RGS7: variants seen among roughly 807,000 people sequenced by gnomAD.
RGS7 encodes the protein regulator of G protein signaling 7, also known as regulator of G-protein signaling 7.
Under a neutral mutation model 81.1 loss-of-function variants are expected in RGS7, and 27 were observed. That is an observed-to-expected ratio of 0.33 (90% CI 0.25 to 0.46). The LOEUF is 0.46. Among genes scored for constraint, RGS7 ranks in the 20% least tolerant of loss-of-function variants. The probability of loss-of-function intolerance (pLI) is 1.00; values close to 1 mark genes in which losing one functional copy is unlikely to be tolerated. For missense variants in RGS7, 396 were observed against 607.4 expected (o/e 0.65, Z 3.66); for synonymous variants, 208 against 207.7 (o/e 1.00, Z -0.01).
At chr1:241,122,385 G>A (rs2066345377) in intron 2 of RGS7, among the ~76,000 whole-genome samples, 1 of 152,104 alleles carries the variant, frequency 6.6e-6, no homozygotes, top group African/African-American at 2.4e-5. Flanking sequence ...CTAACTGTCT[G>A]GGCATGGTGT....
rs948241756 is a variant in RGS7, at chr1:240,802,153, G to A, written c.1360-645C>T. ...TAAAAATCTTATTAGCCTACATGAC[G>A]ATCATGAACTACACAAAATTATAAT... On this transcript the variant is annotated intron_variant, in intron 16 of 18. Coordinates refer to ENST00000440928, the MANE Select transcript of RGS7 (RefSeq NM_001364886.1). Among the ~76,000 whole-genome samples the A allele has an allele frequency of 4.6e-5, 7 of 152,166 alleles. No individual in the cohort carries two copies. The East Asian group carries it at 9.7e-4, about 21-fold the overall frequency.
chr1:240,808,986 T>C (rs1476381807), intron 14 of RGS7, among the ~76,000 whole-genome samples: 1 of 152,194 alleles, frequency 6.6e-6, no homozygotes, highest in East Asian at 1.9e-4. Context: ...TGATAACGCC[T>C]ATTTCACTGG....
chr1:241,314,064 A>G (rs2080717907), intron 2 of RGS7, among the ~76,000 whole-genome samples: 1 of 152,238 alleles, frequency 6.6e-6, no homozygotes, highest in African/African-American at 2.4e-5. Flanking sequence ...CTCCTAGTGA[A>G]GACGCTATGA....
At chr1:240,918,736 A>T (rs917159929) in intron 6 of RGS7, among the ~76,000 whole-genome samples, 2 of 152,072 alleles carry the variant, frequency 1.3e-5, no homozygotes, top group Non-Finnish European at 2.9e-5. Context: ...AATAATAAAA[A>T]TCAGAGCAGA....
intron 2 of RGS7, among the ~76,000 whole-genome samples, chr1:241,141,479 T>C (rs558675623): frequency 1.3e-5 from 2 of 152,336 alleles, no homozygotes; most frequent in South Asian, 2.1e-4. Flanking sequence ...AATTGATTCA[T>C]GGTTCTGCAT....
intron 2 of RGS7, among the ~76,000 whole-genome samples, chr1:241,117,437 T>C (rs149928786): frequency 4.0e-4 from 61 of 152,296 alleles, no homozygotes; most frequent in Admixed American, 1.2e-3. Context: ...AGCTAGTACT[T>C]ATTGTGAATC....
chr1:241,278,524 G>A (rs925871890), intron 2 of RGS7, among the ~76,000 whole-genome samples: 7 of 152,232 alleles, frequency 4.6e-5, no homozygotes, highest in Admixed American at 3.9e-4. Flanking sequence ...GGTTCTTTGC[G>A]GTGCAGAGTT....
intron 6 of RGS7, among the ~76,000 whole-genome samples, chr1:240,924,505 A>G (rs1348602660): frequency 6.6e-6 from 1 of 152,198 alleles, no homozygotes; most frequent in Non-Finnish European, 1.5e-5. Flanking sequence ...TATGTGGGGA[A>G]CAAATTTTTC....
chr1:240,980,855 G>C (rs570036611), intron 4 of RGS7, among the ~76,000 whole-genome samples: 12 of 152,244 alleles, frequency 7.9e-5, no homozygotes, highest in Middle Eastern at 6.8e-3. Flanking sequence ...TCATAAATAT[G>C]ACTACAGAAC....
chr1:241,320,033 G>A (rs1359734720), intron 2 of RGS7, among the ~76,000 whole-genome samples: 1 of 152,190 alleles, frequency 6.6e-6, no homozygotes, highest in African/African-American at 2.4e-5. Context: ...GGAGGTTGCA[G>A]TGAGCTGAGA....
At chr1:241,054,394 G>A (rs1417996544) in intron 3 of RGS7, among the ~76,000 whole-genome samples, 1 of 152,114 alleles carries the variant, frequency 6.6e-6, no homozygotes, top group African/African-American at 2.4e-5. Flanking sequence ...TTTAAAGGCT[G>A]GAGTTTCCCA....
At chr1:241,299,903 A>G (rs1192827577) in intron 2 of RGS7, among the ~76,000 whole-genome samples, 1 of 124,248 alleles carries the variant, frequency 8.0e-6, no homozygotes, top group East Asian at 2.7e-4. Flanking sequence ...TGAGTCCAGG[A>G]GCCTAGGTAA....
At chr1:241,350,436 C>A (rs975268323) in intron 2 of RGS7, among the ~76,000 whole-genome samples, 1 of 152,132 alleles carries the variant, frequency 6.6e-6, no homozygotes, top group African/African-American at 2.4e-5. Context: ...GCCTGCCTCC[C>A]ATCTGAGCCC....
chr1:240,888,429 G>A (rs146308407), intron 6 of RGS7, among the ~76,000 whole-genome samples: 1 of 152,286 alleles, frequency 6.6e-6, no homozygotes, highest in East Asian at 1.9e-4. Context: ...AAGTGAGACA[G>A]GTGTGTGTGG....
chr1:240,849,986 T>A (rs139053284), intron 9 of RGS7, among the ~76,000 whole-genome samples: 1 of 152,320 alleles, frequency 6.6e-6, no homozygotes, highest in East Asian at 1.9e-4. Flanking sequence ...AGGAAGGTGT[T>A]GTGATAAAGA....
chr1:241,079,577 T>C (rs923958945), intron 3 of RGS7, among the ~76,000 whole-genome samples: 3 of 152,138 alleles, frequency 2.0e-5, no homozygotes, highest in African/African-American at 7.2e-5. Context: ...TTCTCTCTCC[T>C]AGAATTATTA....
intron 2 of RGS7, among the ~76,000 whole-genome samples, chr1:241,220,999 G>GAGAGAA (rs2074914773): frequency 3.1e-5 from 2 of 64,742 alleles, no homozygotes; most frequent in African/African-American, 5.7e-5. Context: ...GGAAGGAAGA[G>GAGAGAA]AGAGAGAAAG....
chr1:240,868,554 T>C lies in RGS7; in HGVS notation c.609+33A>G. The C allele has an allele frequency of 2.5e-6, 4 of 1,601,678 alleles. No individual in the cohort carries two copies. The highest frequency in any genetic ancestry group is 3.4e-6 in the Non-Finnish European group (4 of 1,168,768). On this transcript the variant is annotated intron_variant, in intron 9 of 18. Coordinates refer to ENST00000440928, the MANE Select transcript of RGS7 (RefSeq NM_001364886.1). The surrounding 1 kb of genome is among the most constrained non-coding windows in gnomAD (Gnocchi z 5.1). ...CCTCACTTCCCACAGACGGAGAAGA[T>C]GGATTCAAGACGAGAGTGCGACGCT... is the stretch of plus-strand genomic sequence containing the variant.
At chr1:240,961,440 A>C (rs1681420438) in intron 4 of RGS7, among the ~76,000 whole-genome samples, 1 of 152,182 alleles carries the variant, frequency 6.6e-6, no homozygotes, top group South Asian at 2.1e-4. Context: ...CAGGGAGCTC[A>C]ATTTAGCTTT....
Sources: allele counts gnomAD v4.1 joint callset (sites outside exome capture counted in the v4.1 genomes callset), GRCh38; gene constraint gnomAD v4.1.1; non-coding constraint Gnocchi (gnomAD v3.1); transcripts MANE v1.5; gene names NCBI Gene and HGNC (gene_info 2026-07-23, HGNC 2026-07-21).